DIAPH3: variants seen among roughly 807,000 people sequenced by gnomAD.
The protein encoded by DIAPH3 is diaphanous related formin 3, also known as protein diaphanous homolog 3.
DIAPH3 carries 117 observed loss-of-function variants against 144.3 expected under a neutral mutation model. The observed-to-expected ratio is 0.81, with a 90% CI of 0.70 to 0.95. DIAPH3 has a LOEUF of 0.95. Ranked by LOEUF, DIAPH3 falls within the 40% of genes least tolerant of loss-of-function variation. DIAPH3 has a pLI of 0.00. For missense variants in DIAPH3, 1,421 were observed against 1,412.7 expected (o/e 1.01, Z -0.09); for synonymous variants, 519 against 488.9 (o/e 1.06, Z -0.81).
At chr13:59,794,794 C>A (rs1468909111) in intron 25 of DIAPH3, among the ~76,000 whole-genome samples, 1 of 152,152 alleles carries the variant, frequency 6.6e-6, no homozygotes, top group East Asian at 1.9e-4. Context: ...CAGGAACCAG[C>A]TACCATGCCC....
intron 13 of DIAPH3, among the ~76,000 whole-genome samples, chr13:59,981,169 AG>A (rs1166862861): frequency 6.6e-6 from 1 of 151,340 alleles, no homozygotes; most frequent in Non-Finnish European, 1.5e-5. Context: ...TAAAGAAAAA[AG>A]ATGATGTCTA....
intron 17 of DIAPH3, among the ~76,000 whole-genome samples, chr13:59,946,782 C>A (rs1173201047): frequency 1.3e-5 from 2 of 151,626 alleles, no homozygotes; most frequent in Non-Finnish European, 2.9e-5. Context: ...TTAACTATAC[C>A]ACCACTGCCA....
At chr13:59,758,210 C>T (rs1327409293) in intron 27 of DIAPH3, among the ~76,000 whole-genome samples, 1 of 152,146 alleles carries the variant, frequency 6.6e-6, no homozygotes, top group Non-Finnish European at 1.5e-5. Flanking sequence ...AATTACACTC[C>T]TAGGTGTATG....
chr13:59,905,557 C>A (rs1451620866), intron 20 of DIAPH3, among the ~76,000 whole-genome samples: 1 of 151,992 alleles, frequency 6.6e-6, no homozygotes, highest in East Asian at 1.9e-4. Context: ...CTGTTATAGG[C>A]AAAATAACGG....
At chr13:60,102,722 A>G (rs938170771) in intron 3 of DIAPH3, among the ~76,000 whole-genome samples, 2 of 152,202 alleles carry the variant, frequency 1.3e-5, no homozygotes, top group South Asian at 4.1e-4. Context: ...AGAGAACACT[A>G]GCAGACCCAC....
intron 4 of DIAPH3, among the ~76,000 whole-genome samples, chr13:60,051,966 C>T (rs958851890): frequency 2.0e-5 from 3 of 152,128 alleles, no homozygotes; most frequent in Non-Finnish European, 2.9e-5. Context: ...TAAGGGCTTG[C>T]TTATTAACTG....
intron 20 of DIAPH3, among the ~76,000 whole-genome samples, chr13:59,886,826 T>C (rs538653645): frequency 4.6e-5 from 7 of 152,216 alleles, no homozygotes; most frequent in African/African-American, 1.7e-4. Context: ...TCAATTCACA[T>C]AGACAATTAG....
At chr13:59,829,199 T>C (rs562645496) in intron 24 of DIAPH3, among the ~76,000 whole-genome samples, 1 of 152,118 alleles carries the variant, frequency 6.6e-6, no homozygotes, top group Admixed American at 6.6e-5. Flanking sequence ...CTTTAACTAC[T>C]TAAGTTTAAA....
chr13:59,816,119 T>C (rs2139597834), intron 24 of DIAPH3, among the ~76,000 whole-genome samples: 1 of 152,266 alleles, frequency 6.6e-6, no homozygotes, highest in South Asian at 2.1e-4. Flanking sequence ...TTTATGAATA[T>C]TCTAATATTA....
At chr13:60,055,681 A>C (rs1289263606) in intron 4 of DIAPH3, among the ~76,000 whole-genome samples, 1 of 151,942 alleles carries the variant, frequency 6.6e-6, no homozygotes, top group Non-Finnish European at 1.5e-5. Flanking sequence ...TGTAACTAGA[A>C]AACATGCCAA....
At chr13:59,772,821 C>G (rs2038194099) in intron 27 of DIAPH3, among the ~76,000 whole-genome samples, 1 of 151,822 alleles carries the variant, frequency 6.6e-6, no homozygotes. Context: ...TATGCTGTTA[C>G]TATTAATAAT....
chr13:60,054,151 T>C (rs1191021783), intron 4 of DIAPH3, among the ~76,000 whole-genome samples: 5 of 152,040 alleles, frequency 3.3e-5, no homozygotes, highest in African/African-American at 9.7e-5. Context: ...CTGCTGGTGA[T>C]AGCTTAATCT....
chr13:59,783,749 G>A (rs1050065443), intron 25 of DIAPH3, among the ~76,000 whole-genome samples: 7 of 152,160 alleles, frequency 4.6e-5, no homozygotes, highest in Non-Finnish European at 1.0e-4. Flanking sequence ...AATATTGAGA[G>A]GATTAAAACA....
intron 22 of DIAPH3, among the ~76,000 whole-genome samples, chr13:59,854,330 T>A (rs375800177): frequency 1.3e-5 from 2 of 152,212 alleles, no homozygotes; most frequent in East Asian, 3.9e-4. Context: ...GGCACTCAGT[T>A]TGTGGTAATT....
chr13:59,787,628 A>C (rs2039106630), intron 25 of DIAPH3, among the ~76,000 whole-genome samples: 1 of 152,220 alleles, frequency 6.6e-6, no homozygotes, highest in African/African-American at 2.4e-5. Context: ...AAAATATTTG[A>C]AACATTGGCA....
chr13:59,816,503 A>G (rs980626450), intron 24 of DIAPH3, among the ~76,000 whole-genome samples: 1 of 151,296 alleles, frequency 6.6e-6, no homozygotes, highest in Non-Finnish European at 1.5e-5. Context: ...TATATCCTCA[A>G]TATTATTTAT....
intron 25 of DIAPH3, among the ~76,000 whole-genome samples, chr13:59,802,587 GT>G (rs985735968): frequency 2.5e-4 from 32 of 125,532 alleles, no homozygotes; most frequent in African/African-American, 7.3e-4. Context: ...TTACTTCATG[GT>G]TTTTTTTTAA....
chr13:59,699,825 T>C (rs191734998), intron 27 of DIAPH3, among the ~76,000 whole-genome samples: 3 of 152,300 alleles, frequency 2.0e-5, no homozygotes, highest in Admixed American at 6.5e-5. Flanking sequence ...CATTCACTTC[T>C]CTTACCCTGG....
At chr13:59,667,064 T>G (rs906688720) in intron 27 of DIAPH3, among the ~76,000 whole-genome samples, 1 of 152,254 alleles carries the variant, frequency 6.6e-6, no homozygotes, top group Admixed American at 6.5e-5. Flanking sequence ...TCATTAGCAC[T>G]AATGCCCATT....
Sources: gnomAD v4.1 joint callset for allele counts (sites outside exome capture counted in the v4.1 genomes callset) on GRCh38, gnomAD v4.1.1 for gene constraint, MANE v1.5 for transcripts, NCBI Gene and HGNC (gene_info 2026-07-23, HGNC 2026-07-21) for gene names.